The following DYNC2H1 variants were observed in gnomAD, a reference collection of about 807,000 sequenced individuals.
DYNC2H1 encodes cytoplasmic dynein 2 heavy chain 1.
DYNC2H1 carries 410 observed loss-of-function variants against 570.0 expected under a neutral mutation model. The ratio of observed to expected loss-of-function variants is 0.72; its 90% CI spans 0.66 to 0.78. The LOEUF (loss-of-function observed/expected upper bound fraction) is 0.78, where lower values mean the gene tolerates loss of function less well. Ranked by LOEUF, DYNC2H1 falls within the 30% of genes least tolerant of loss-of-function variation. The probability of loss-of-function intolerance (pLI) is 0.00; values close to 1 mark genes in which losing one functional copy is unlikely to be tolerated. For missense variants in DYNC2H1, 4,865 were observed against 5,046.4 expected (o/e 0.96, Z 1.09); for synonymous variants, 1,688 against 1,677.6 (o/e 1.01, Z -0.15).
intron 75 of DYNC2H1, among the ~76,000 whole-genome samples, chr11:103,294,856 G>T (rs1262921524): frequency 6.6e-6 from 1 of 152,178 alleles, no homozygotes; most frequent in Non-Finnish European, 1.5e-5. Context: ...GCAAAGGCCT[G>T]GAATCATAGG....
At chr11:103,353,836 C>T (rs1157971903) in intron 82 of DYNC2H1, among the ~76,000 whole-genome samples, 2 of 151,904 alleles carry the variant, frequency 1.3e-5, no homozygotes, top group African/African-American at 2.4e-5. Context: ...TTAAAGTAAT[C>T]AATTACTGAA....
intron 84 of DYNC2H1, among the ~76,000 whole-genome samples, chr11:103,413,305 CTA>C (rs1943157937): frequency 2.0e-5 from 3 of 152,230 alleles, no homozygotes; most frequent in Middle Eastern, 3.4e-3. Context: ...TCTACTCCAA[CTA>C]TTTTAACAAA....
In DYNC2H1 at chr11:103,476,249, A is replaced by AT. The variant is rs202021807; in HGVS notation, c.12766-2837dup. ...AAATTCTCTTTATCCCAAATCCCAC[A>AT]TTTTTTTTTCTGAAGTTCAACTAAG... On this transcript the variant is annotated intron_variant, in intron 88 of 88. Coordinates refer to ENST00000375735, the MANE Select transcript of DYNC2H1 (RefSeq NM_001377.3). Among the ~76,000 whole-genome samples the AT allele has an allele frequency of 5.0e-3, 759 of 151,174 alleles. 4 individuals are homozygous for AT. The highest frequency in any genetic ancestry group is 0.018 in the African/African-American group (730 of 41,220).
intron 83 of DYNC2H1, among the ~76,000 whole-genome samples, chr11:103,366,315 G>A (rs1940905705): frequency 6.6e-6 from 1 of 152,188 alleles, no homozygotes; most frequent in African/African-American, 2.4e-5. Flanking sequence ...GAGAGGGAAA[G>A]CAAGAGAGTC....
intron 87 of DYNC2H1, 104 bp from the exon 88 acceptor site, chr11:103,468,485 T>C (rs1197056753): frequency 5.7e-6 from 4 of 696,488 alleles, no homozygotes; most frequent in African/African-American, 1.8e-5. Context: ...ATATTTGGAA[T>C]CGGTGAACAC....
At chr11:103,399,173 C>G (rs1377170026) in intron 83 of DYNC2H1, among the ~76,000 whole-genome samples, 4 of 133,962 alleles carry the variant, frequency 3.0e-5, no homozygotes, top group African/African-American at 1.2e-4. Flanking sequence ...GATGGAGTCT[C>G]ACTCTGTCGC....
chr11:103,264,294 C>T lies in DYNC2H1; in HGVS notation c.10695+4317C>T, dbSNP rs144080972. On this transcript the variant is annotated intron_variant, in intron 70 of 88. Transcript: ENST00000375735. The surrounding 1 kb of genome is among the most constrained non-coding windows in gnomAD (Gnocchi z 4.8). Reference sequence around the variant, plus strand: ...CAGAGGTACAAAGAGGAGTTGGTACCATTCCTTCTGAAACTATTCCATGCA... The same window carrying T: ...CAGAGGTACAAAGAGGAGTTGGTACTATTCCTTCTGAAACTATTCCATGCA... Among the ~76,000 whole-genome samples, 7,543 of 152,258 alleles carry T rather than the reference C, an allele frequency of 0.05. 251 individuals carry two copies. The highest frequency in any genetic ancestry group is 0.071 in the Non-Finnish European group (4,859 of 68,012).
chr11:103,181,835 A>G lies in DYNC2H1; in HGVS notation c.6426A>G (p.Glu2142=). Residue 2142 remains glutamate (E), a synonymous_variant, in exon 40 of 89, where the codon GAA becomes GAG. Coordinates refer to ENST00000375735, the MANE Select transcript of DYNC2H1 (RefSeq NM_001377.3). The surrounding 1 kb of genome is among the most constrained non-coding windows in gnomAD (Gnocchi z 5.0). ...NQPAEYRNNL[E]NWIGDYFEKA... is the part of the protein sequence containing the mutation. ...CTGCTGAATATAGAAATAATCTTGA[A>G]AATTGGATTGGAGATTATTTTGAAA... is the stretch of plus-strand genomic sequence containing the variant. 6.3e-7 allele frequency: 1 copy of G among 1,599,846 alleles called. No individual in the cohort carries two copies. The highest frequency in any genetic ancestry group is 8.5e-7 in the Non-Finnish European group (1 of 1,171,988).
chr11:103,198,603 A>T (rs182496860), intron 48 of DYNC2H1, among the ~76,000 whole-genome samples: 1 of 152,208 alleles, frequency 6.6e-6, no homozygotes, highest in African/African-American at 2.4e-5. Context: ...TAATATTTAT[A>T]TTGAATGTTA....
At chr11:103,125,025 G>A in intron 11 of DYNC2H1, 75 bp from the exon 12 acceptor site, 1 of 1,183,596 alleles carries the variant, frequency 8.4e-7, no homozygotes, top group Non-Finnish European at 1.2e-6. Context: ...CAGAAAAGTT[G>A]TAAAAACCTA....
chr11:103,372,032 CTTTT>C lies in DYNC2H1; in HGVS notation c.12156+13696_12156+13699del, dbSNP rs1156605664. Among the ~76,000 whole-genome samples the C allele has an allele frequency of 3.3e-3, 126 of 38,054 alleles. 1 individual carries two copies. Among genetic ancestry groups the C allele is most frequent in the African/African-American group, 0.012 (115 of 9,660 alleles). 25.0% of individuals were successfully genotyped at this position (38,054 alleles called of 152,430 possible). A position where few individuals can be genotyped will look rare whatever the true frequency, so the allele number is the denominator to read the frequency against. Reference sequence around the variant, plus strand: ...TGAAAGTGGGCAACTTTGTCTTGTTCTTTTTTTTTTTTTTTTTTTTTTTTTTGAG... The same window carrying C: ...TGAAAGTGGGCAACTTTGTCTTGTTCTTTTTTTTTTTTTTTTTTTTTTGAG... On this transcript the variant is annotated intron_variant, in intron 83 of 88. Coordinates refer to ENST00000375735, the MANE Select transcript of DYNC2H1 (RefSeq NM_001377.3).
At chr11:103,408,943 T>C (rs1349566787) in intron 84 of DYNC2H1, among the ~76,000 whole-genome samples, 1 of 152,018 alleles carries the variant, frequency 6.6e-6, no homozygotes, top group Non-Finnish European at 1.5e-5. Context: ...CTCATCTTGT[T>C]TATATCCCGC....
chr11:103,466,291 G>T (rs573646091), intron 87 of DYNC2H1, among the ~76,000 whole-genome samples: 2 of 152,222 alleles, frequency 1.3e-5, no homozygotes, highest in African/African-American at 2.4e-5. Flanking sequence ...AATTGACTCT[G>T]AAGGTTTAAA....
rs1860199386 is a variant in DYNC2H1, at chr11:103,145,550, G to T, written c.2702+2155G>T. Among the ~76,000 whole-genome samples the T allele has an allele frequency of 6.6e-6, 1 of 150,662 alleles. No homozygotes were observed. Among genetic ancestry groups the T allele is most frequent in the South Asian group, 2.1e-4 (1 of 4,754 alleles). On this transcript the variant is annotated intron_variant, in intron 18 of 88. Coordinates refer to ENST00000375735, the MANE Select transcript of DYNC2H1 (RefSeq NM_001377.3). The surrounding 1 kb of genome is among the most constrained non-coding windows in gnomAD (Gnocchi z 4.2). ...GATAGCTTTCCTATTTATGATCCTTGCCAAAAGAAAAAAAAATAAAAACAA... is the reference window on the plus strand; with the variant it reads ...GATAGCTTTCCTATTTATGATCCTTTCCAAAAGAAAAAAAAATAAAAACAA...
At chr11:103,293,912 A>G (rs535279445) in intron 75 of DYNC2H1, among the ~76,000 whole-genome samples, 1 of 152,174 alleles carries the variant, frequency 6.6e-6, no homozygotes, top group South Asian at 2.1e-4. Context: ...CCCCATCTGT[A>G]CTAAAAACAC....
chr11:103,461,610 C>T lies in DYNC2H1; in HGVS notation c.12648+5254C>T, dbSNP rs964840230. On this transcript the variant is annotated intron_variant, in intron 87 of 88. Transcript: ENST00000375735. This position sits in a 1 kb window ranked among gnomAD's most constrained non-coding sequence, Gnocchi z 4.8. ...ACTTCGAGTGCTCAGTAGCCATATGCGGTATAGTATATACAGTAACCACAT... is the reference window on the plus strand; with the variant it reads ...ACTTCGAGTGCTCAGTAGCCATATGTGGTATAGTATATACAGTAACCACAT... Among the ~76,000 whole-genome samples the T allele has an allele frequency of 1.3e-5, 2 of 152,082 alleles. No homozygotes were observed. Among genetic ancestry groups the T allele is most frequent in the Non-Finnish European group, 2.9e-5 (2 of 68,020 alleles).
At position 103,109,604 on chromosome 11, in the gene DYNC2H1, G is replaced by A. The variant is rs746332253; in HGVS notation, c.30G>A (p.Lys10=). The A allele has an allele frequency of 1.4e-5, 22 of 1,613,756 alleles. No individual in the cohort carries two copies. Among genetic ancestry groups the A allele is most frequent in the Non-Finnish European group, 1.8e-5 (21 of 1,179,852 alleles). ...CGAACGGGACTGCGGACGTTCGGAA[G>A]CTCTTCATCTTCACTACTACCCAGA... MANGTADVR[K]LFIFTTTQNY... Residue 10 remains lysine, a synonymous_variant, in exon 1 of 89, where the codon AAG becomes AAA. Transcript: ENST00000375735.
At chr11:103,427,642 C>T (rs905106348) in intron 84 of DYNC2H1, among the ~76,000 whole-genome samples, 1 of 152,000 alleles carries the variant, frequency 6.6e-6, no homozygotes, top group African/African-American at 2.4e-5. Flanking sequence ...TACAGATAGC[C>T]ATCTTTTCCT....
intron 47 of DYNC2H1, among the ~76,000 whole-genome samples, chr11:103,196,086 G>A (rs1429900723): frequency 6.6e-6 from 1 of 152,168 alleles, no homozygotes; most frequent in Non-Finnish European, 1.5e-5. Context: ...ATCATTAGGA[G>A]TTTGGTGTTT....
Sources: gnomAD v4.1 joint callset for allele counts (sites outside exome capture counted in the v4.1 genomes callset) on GRCh38, gnomAD v4.1.1 for gene constraint, Gnocchi (gnomAD v3.1) non-coding constraint, MANE v1.5 for transcripts, NCBI Gene and HGNC (gene_info 2026-07-23, HGNC 2026-07-21) for gene names.